NELL2: variants seen among roughly 807,000 people sequenced by gnomAD.
The protein encoded by NELL2 is neural EGFL like 2.
A neutral mutation model predicts 109.6 loss-of-function variants in NELL2; 41 were observed. The observed-to-expected ratio is 0.37, with a 90% CI of 0.29 to 0.49. NELL2 has a LOEUF of 0.49. Among genes scored for constraint, NELL2 ranks in the 20% least tolerant of loss-of-function variants. The pLI, the probability that NELL2 is intolerant of heterozygous loss-of-function variation, is 0.98. For missense variants in NELL2, 900 were observed against 1,008.3 expected, an observed-to-expected ratio of 0.89 and a Z score of 1.45; for synonymous variants, 355 against 344.7, an observed-to-expected ratio of 1.03 and a Z score of -0.33.
intron 8 of NELL2, among the ~76,000 whole-genome samples, chr12:44,775,238 T>G (rs10880684): frequency 0.23 from 34,180 of 148,354 alleles, 4,144 homozygotes; most frequent in South Asian, 0.28. Context: ...CACACACACA[T>G]GCATGTGCGT....
At chr12:44,752,963 G>A (rs974016469) in intron 9 of NELL2, among the ~76,000 whole-genome samples, 1 of 152,146 alleles carries the variant, frequency 6.6e-6, no homozygotes, top group Non-Finnish European at 1.5e-5. Context: ...GCACGGTCTT[G>A]TAAGCCACAG....
intron 13 of NELL2, among the ~76,000 whole-genome samples, chr12:44,613,278 T>C (rs929815122): frequency 6.6e-6 from 1 of 152,138 alleles, no homozygotes; most frequent in African/African-American, 2.4e-5. Context: ...TAGTTCTCCA[T>C]TCTTAAGCTC....
chr12:44,605,979 C>T (rs575947509), intron 15 of NELL2, among the ~76,000 whole-genome samples: 63 of 152,222 alleles, frequency 4.1e-4, no homozygotes, highest in African/African-American at 1.5e-3. Flanking sequence ...AGTTATCAAT[C>T]TCTATAGGTG....
intron 9 of NELL2, among the ~76,000 whole-genome samples, chr12:44,759,095 C>T (rs76449601): frequency 0.013 from 1,986 of 152,256 alleles, 37 homozygotes; most frequent in African/African-American, 0.041. Context: ...ACCATACTTC[C>T]TATCTTGTTA....
At chr12:44,906,924 C>A (rs1945725420) in intron 1 of NELL2, among the ~76,000 whole-genome samples, 2 of 152,104 alleles carry the variant, frequency 1.3e-5, no homozygotes, top group African/African-American at 4.8e-5. Context: ...CCAGCCAAAT[C>A]TCATCTTGAA....
intron 12 of NELL2, among the ~76,000 whole-genome samples, chr12:44,683,147 C>T (rs1948587876): frequency 1.3e-5 from 2 of 152,038 alleles, no homozygotes; most frequent in Non-Finnish European, 2.9e-5. Flanking sequence ...CCCTTGTAAG[C>T]TGGATTCCTA....
intron 12 of NELL2, among the ~76,000 whole-genome samples, chr12:44,675,784 ATC>A (rs1948291243): frequency 6.6e-6 from 1 of 152,106 alleles, no homozygotes; most frequent in South Asian, 2.1e-4. Flanking sequence ...ACTGAATCAG[ATC>A]TGTGTTTTTG....
upstream of NELL2, chr12:44,914,239 C>G (rs1304697860): frequency 6.5e-6 from 1 of 152,728 alleles, no homozygotes; most frequent in Non-Finnish European, 1.5e-5. Flanking sequence ...CCTTGCCAAG[C>G]CATCCATGAT....
At chr12:44,793,198 A>G (rs1942496539) in intron 3 of NELL2, among the ~76,000 whole-genome samples, 1 of 152,184 alleles carries the variant, frequency 6.6e-6, no homozygotes, top group Non-Finnish European at 1.5e-5. Flanking sequence ...GATAAAAAAG[A>G]AAAAGGTAAA....
intron 9 of NELL2, among the ~76,000 whole-genome samples, chr12:44,771,731 T>G (rs1380029292): frequency 1.3e-5 from 2 of 152,370 alleles, no homozygotes; most frequent in East Asian, 3.9e-4. Flanking sequence ...TTCTGACTTC[T>G]TTCCCAGAAC....
chr12:44,720,610 T>C (rs1938718965), intron 9 of NELL2, among the ~76,000 whole-genome samples: 1 of 152,150 alleles, frequency 6.6e-6, no homozygotes, highest in Non-Finnish European at 1.5e-5. Context: ...GCTCGGACAA[T>C]GTAATGACAA....
chr12:44,534,943 A>G (rs902404042), intron 15 of NELL2, among the ~76,000 whole-genome samples: 1 of 151,928 alleles, frequency 6.6e-6, no homozygotes, highest in Non-Finnish European at 1.5e-5. Context: ...ATATATTTCA[A>G]TTGTTACTTC....
intron 15 of NELL2, among the ~76,000 whole-genome samples, chr12:44,598,992 AAAAG>A (rs759839459): frequency 1.3e-5 from 2 of 152,148 alleles, no homozygotes; most frequent in Non-Finnish European, 2.9e-5. Flanking sequence ...AGTGGGGAGA[AAAAG>A]AAATGTTAGC....
At chr12:44,691,242 G>A (rs1353210787) in intron 12 of NELL2, among the ~76,000 whole-genome samples, 1 of 152,112 alleles carries the variant, frequency 6.6e-6, no homozygotes, top group African/African-American at 2.4e-5. Context: ...CTTGTTTCAT[G>A]TCTCCATGTC....
intron 15 of NELL2, among the ~76,000 whole-genome samples, chr12:44,550,896 G>T (rs1300390575): frequency 6.6e-6 from 1 of 152,100 alleles, no homozygotes; most frequent in African/African-American, 2.4e-5. Context: ...GTTAAACTGT[G>T]CAAAGTTTCA....
At chr12:44,681,987 C>A (rs1280434571) in intron 12 of NELL2, among the ~76,000 whole-genome samples, 1 of 151,774 alleles carries the variant, frequency 6.6e-6, no homozygotes, top group Non-Finnish European at 1.5e-5. Context: ...CCTGAGGAAT[C>A]GCCACACTGA....
At chr12:44,880,090 A>G (rs970841691), upstream of NELL2, among the ~76,000 whole-genome samples, 3 of 150,526 alleles carry the variant, frequency 2.0e-5, no homozygotes, top group African/African-American at 7.4e-5. Context: ...GAGATAAAAG[A>G]CTATGAAAAA....
rs559296370 is a variant in NELL2, at chr12:44,707,349, T to C, written c.1190-3495A>G. ...TCCACCTACTTGAATGGCATAATGA[T>C]ATGAGCGTAAGAATGTAGGGGTATA... On this transcript the variant is annotated intron_variant, in intron 11 of 19. Transcript: ENST00000429094. Among the ~76,000 whole-genome samples, 4 of 152,252 alleles carry C rather than the reference T, an allele frequency of 2.6e-5. No homozygotes were observed. In the South Asian group the frequency reaches 8.3e-4, roughly 32 times the overall value.
intron 2 of NELL2, among the ~76,000 whole-genome samples, chr12:44,846,988 A>C (rs1260748399): frequency 6.6e-6 from 1 of 152,230 alleles, no homozygotes; most frequent in East Asian, 1.9e-4. Flanking sequence ...TTTTAAGCTC[A>C]CTTGTGGGAG....
Sources: allele counts gnomAD v4.1 joint callset (sites outside exome capture counted in the v4.1 genomes callset), GRCh38; gene constraint gnomAD v4.1.1; transcripts MANE v1.5; gene names NCBI Gene and HGNC (gene_info 2026-07-23, HGNC 2026-07-21).